The following GRM1 variants were observed in gnomAD, a reference collection of about 807,000 sequenced individuals.
GRM1 encodes the protein glutamate metabotropic receptor 1.
A neutral mutation model predicts 90.9 loss-of-function variants in GRM1; 33 were observed. That is an observed-to-expected ratio of 0.36 (90% CI 0.28 to 0.49). The LOEUF (loss-of-function observed/expected upper bound fraction) is 0.49, where lower values mean the gene tolerates loss of function less well. Among genes scored for constraint, GRM1 ranks in the 20% least tolerant of loss-of-function variants. The pLI is 0.99. For missense variants in GRM1, 1,190 were observed against 1,534.3 expected (o/e 0.78, Z 3.75); for synonymous variants, 700 against 613.2 (o/e 1.14, Z -2.09).
chr6:146,339,681 A>G (rs1054312629), intron 3 of GRM1, among the ~76,000 whole-genome samples: 1 of 152,248 alleles, frequency 6.6e-6, no homozygotes. Context: ...TAAATAACTT[A>G]TTACTGCATG....
At chr6:146,390,334 G>A (rs900213145) in intron 6 of GRM1, among the ~76,000 whole-genome samples, 1 of 151,526 alleles carries the variant, frequency 6.6e-6, no homozygotes, top group Non-Finnish European at 1.5e-5. Flanking sequence ...CTTAGAGAAA[G>A]TGCTTTTTGA....
intron 2 of GRM1, among the ~76,000 whole-genome samples, chr6:146,198,315 T>C (rs1270487211): frequency 6.6e-6 from 1 of 152,188 alleles, no homozygotes; most frequent in Admixed American, 6.5e-5. Context: ...AAGAGCTAGT[T>C]CAGAGAATGA....
At chr6:146,133,376 A>G (rs1345828442) in intron 1 of GRM1, among the ~76,000 whole-genome samples, 3 of 152,196 alleles carry the variant, frequency 2.0e-5, no homozygotes, top group Admixed American at 6.5e-5. Context: ...ACACTAACAC[A>G]TTCTCATTTT....
intron 2 of GRM1, among the ~76,000 whole-genome samples, chr6:146,234,896 C>A (rs1014100834): frequency 2.0e-5 from 3 of 152,038 alleles, no homozygotes; most frequent in Non-Finnish European, 4.4e-5. Flanking sequence ...GCATGGGCCA[C>A]CACGCCGGAC....
In GRM1 at chr6:146,304,738, G is replaced by T. The variant is rs187806218; in HGVS notation, c.1078G>T (p.Asp360Tyr). 2.5e-5 allele frequency: 41 copies of T among 1,613,970 alleles called. No homozygotes were observed. In the East Asian group the frequency reaches 8.9e-4, roughly 35 times the overall value. ...TGATTATTTCCTGAAACTGAGGCTG[G>T]ACACTAACACGAGGAATCCCTGGTT... ...FDDYFLKLRL[D>Y]TNTRNPWFPE... The change falls in exon 3 of 8, where the codon GAC (aspartate) becomes TAC (tyrosine). Residue 360 changes from aspartate (D) to tyrosine (Y), a missense_variant. This residue lies in a region of GRM1 where 414 missense variants were observed against 598.4 expected (regional missense o/e 0.69). Transcript: ENST00000282753.
intron 1 of GRM1, among the ~76,000 whole-genome samples, chr6:146,062,293 C>G (rs748479628): frequency 6.6e-6 from 1 of 151,208 alleles, no homozygotes; most frequent in African/African-American, 2.4e-5. Context: ...AGATGAACAA[C>G]GAGAACACAT....
chr6:146,146,828 A>G (rs1306503541), intron 1 of GRM1, among the ~76,000 whole-genome samples: 1 of 152,186 alleles, frequency 6.6e-6, no homozygotes, highest in Non-Finnish European at 1.5e-5. Context: ...CAGACTCCAT[A>G]CTTTAAGAAA....
chr6:146,076,207 T>C (rs1036896479), intron 1 of GRM1, among the ~76,000 whole-genome samples: 1 of 152,162 alleles, frequency 6.6e-6, no homozygotes, highest in East Asian at 1.9e-4. Flanking sequence ...ATAGACGGCA[T>C]GAAGTCTGAG....
intron 7 of GRM1, among the ~76,000 whole-genome samples, chr6:146,407,193 G>A (rs1300581321): frequency 1.3e-5 from 2 of 152,152 alleles, no homozygotes; most frequent in Non-Finnish European, 2.9e-5. Flanking sequence ...GCTGCTGCAG[G>A]AGACCACCTG....
chr6:146,323,346 A>G (rs1281839424), intron 3 of GRM1, among the ~76,000 whole-genome samples: 2 of 152,168 alleles, frequency 1.3e-5, no homozygotes, highest in African/African-American at 4.8e-5. Context: ...GCCGGTGATG[A>G]TGAGCATTTT....
intron 5 of GRM1, 73 bp downstream of exon 5, chr6:146,357,767 C>A: frequency 8.5e-7 from 1 of 1,176,568 alleles, no homozygotes; most frequent in Non-Finnish European, 1.3e-6. Flanking sequence ...AAGAACAACA[C>A]AGACAATTTT....
intron 2 of GRM1, among the ~76,000 whole-genome samples, chr6:146,219,611 T>G (rs1204618009): frequency 6.6e-6 from 1 of 152,124 alleles, no homozygotes; most frequent in African/African-American, 2.4e-5. Flanking sequence ...ATTAATAATT[T>G]TTAAGGAAAT....
intron 2 of GRM1, among the ~76,000 whole-genome samples, chr6:146,241,961 A>G (rs1198985428): frequency 6.6e-6 from 1 of 152,106 alleles, no homozygotes; most frequent in African/African-American, 2.4e-5. Flanking sequence ...TAGGCTTCTA[A>G]AAGTTTAGTT....
intron 1 of GRM1, among the ~76,000 whole-genome samples, chr6:146,146,222 G>A (rs574567244): frequency 7.1e-6 from 1 of 140,350 alleles, no homozygotes; most frequent in Non-Finnish European, 1.5e-5. Flanking sequence ...CCTAGTAGCT[G>A]GGACTACAGG....
chr6:146,094,162 A>T (rs1191087487), intron 1 of GRM1, among the ~76,000 whole-genome samples: 1 of 152,136 alleles, frequency 6.6e-6, no homozygotes, highest in African/African-American at 2.4e-5. Context: ...TGTTAACCGT[A>T]TTAAATTAGG....
intron 5 of GRM1, among the ~76,000 whole-genome samples, chr6:146,364,740 C>T (rs1256000432): frequency 1.5e-5 from 2 of 136,306 alleles, no homozygotes; most frequent in East Asian, 1.9e-4. Context: ...CACATCACGC[C>T]TCTCTCTCTC....
At chr6:146,181,101 A>G (rs931939324) in intron 2 of GRM1, among the ~76,000 whole-genome samples, 8 of 152,188 alleles carry the variant, frequency 5.3e-5, no homozygotes, top group African/African-American at 1.9e-4. Context: ...ATAATTGGCA[A>G]TAACACACCT....
rs1332746082 is a variant in GRM1, at chr6:146,047,699, T to C, written c.700+17482T>C. Among the ~76,000 whole-genome samples the C allele has an allele frequency of 1.3e-5, 2 of 152,004 alleles. 1 individual carries two copies. The highest frequency in any genetic ancestry group is 4.1e-4 in the South Asian group (2 of 4,838). Reference sequence around the variant, plus strand: ...CAGATAACTTTGCTTCACTTCTGCATGTGGGGAAGTTGTGTTCTCTGCCTT... The same window carrying C: ...CAGATAACTTTGCTTCACTTCTGCACGTGGGGAAGTTGTGTTCTCTGCCTT... On this transcript the variant is annotated intron_variant, in intron 1 of 7. Transcript: ENST00000282753.
intron 7 of GRM1, among the ~76,000 whole-genome samples, chr6:146,415,467 T>C (rs1457790463): frequency 1.3e-5 from 2 of 152,226 alleles, no homozygotes; most frequent in Non-Finnish European, 2.9e-5. Context: ...TTGAAAATAT[T>C]GCCTTCCCTC....
Sources: gnomAD v4.1 joint callset for allele counts (sites outside exome capture counted in the v4.1 genomes callset) on GRCh38, gnomAD v4.1.1 for gene constraint, gnomAD v4.1.1 regional missense constraint, MANE v1.5 for transcripts, NCBI Gene and HGNC (gene_info 2026-07-23, HGNC 2026-07-21) for gene names.